Variants in BLZF1 observed in about 807,000 individuals in gnomAD.
BLZF1 encodes basic leucine zipper nuclear factor 1.
BLZF1 carries 39 observed loss-of-function variants against 43.8 expected under a neutral mutation model. The observed-to-expected ratio is 0.89, with a 90% CI of 0.69 to 1.16. The LOEUF is 1.16. Among genes scored for constraint, BLZF1 ranks in the 50% most tolerant of loss-of-function variants. The pLI, the probability that BLZF1 is intolerant of heterozygous loss-of-function variation, is 0.00. For synonymous variants in BLZF1, 136 were observed against 159.4 expected (o/e 0.85, Z 1.11); for missense variants, 449 against 469.8 (o/e 0.96, Z 0.41).
At chr1:169,374,325 T>C (rs569734100) in intron 2 of BLZF1, among the ~76,000 whole-genome samples, 1 of 152,238 alleles carries the variant, frequency 6.6e-6, no homozygotes, top group South Asian at 2.1e-4. Flanking sequence ...AAGTCAAGGC[T>C]GCAGTAAGCT....
At chr1:169,368,428 T>C (rs1357293338) in intron 1 of BLZF1, 86 bp downstream of exon 1, 1 of 117,526 alleles carries the variant, frequency 8.5e-6, no homozygotes, top group African/African-American at 3.0e-5. Context: ...TAGCTTTGGA[T>C]TTAGGGAAAG....
intron 7 of BLZF1, among the ~76,000 whole-genome samples, chr1:169,394,163 G>GT (rs1242851247): frequency 6.6e-6 from 1 of 152,126 alleles, no homozygotes; most frequent in Non-Finnish European, 1.5e-5. Flanking sequence ...TGTCTATATA[G>GT]TTTCCTTCTC....
chr1:169,386,186 A>G (rs941957339), intron 6 of BLZF1, among the ~76,000 whole-genome samples: 4 of 152,220 alleles, frequency 2.6e-5, no homozygotes, highest in African/African-American at 9.6e-5. Flanking sequence ...AACCCAGGAA[A>G]CAAAAAGTGG....
At chr1:169,371,781 A>G (rs1654128235) in intron 2 of BLZF1, among the ~76,000 whole-genome samples, 1 of 152,230 alleles carries the variant, frequency 6.6e-6, no homozygotes, top group South Asian at 2.1e-4. Flanking sequence ...AATTGAAAAT[A>G]AAGCTATTAA....
downstream of BLZF1, among the ~76,000 whole-genome samples, chr1:169,393,158 G>A (rs2102026627): frequency 6.6e-6 from 1 of 152,208 alleles, no homozygotes; most frequent in South Asian, 2.1e-4. Flanking sequence ...GCAGAGAACG[G>A]GGAAATTGCT....
At chr1:169,388,344 G>T (rs1055251711), downstream of BLZF1, 6 of 151,936 alleles carry the variant, frequency 3.9e-5, no homozygotes, top group Non-Finnish European at 5.9e-5. Context: ...TTAGTGCTTT[G>T]GTTTAGGTCT....
Position 169,369,484 on chromosome 1 carries a change from G to A in BLZF1, c.-39G>A. ...GCATACATTTCTAGGTTGTTCAGCA[G>A]AAGTCTTGGAGTGCATTTTCAGTGG... On this transcript the variant is annotated 5_prime_UTR_variant, in exon 2 of 7. Coordinates refer to ENST00000367808, the MANE Select transcript of BLZF1 (RefSeq NM_001320973.2). 6.3e-7 allele frequency: 1 copy of A among 1,588,574 alleles called. No homozygotes were observed. Among genetic ancestry groups the A allele is most frequent in the East Asian group, 2.2e-5 (1 of 44,574 alleles).
At chr1:169,393,183 A>G (rs1282211889), downstream of BLZF1, among the ~76,000 whole-genome samples, 2 of 152,074 alleles carry the variant, frequency 1.3e-5, no homozygotes, top group Non-Finnish European at 2.9e-5. Context: ...CTTGGGGAAA[A>G]CAACCTAAAC....
At chr1:169,371,187 T>G (rs1162728993) in intron 2 of BLZF1, among the ~76,000 whole-genome samples, 8 of 152,168 alleles carry the variant, frequency 5.3e-5, no homozygotes, top group African/African-American at 1.9e-4. Flanking sequence ...GATAAGCAAG[T>G]CAGAGACTGT....
chr1:169,393,794 G>T (rs1654879660), intron 7 of BLZF1, among the ~76,000 whole-genome samples: 1 of 151,990 alleles, frequency 6.6e-6, no homozygotes, highest in African/African-American at 2.4e-5. Flanking sequence ...TAGAGACGGG[G>T]TTTCGCCATG....
chr1:169,380,422 A>T, intron 4 of BLZF1, 59 bp from the exon 5 acceptor site: 1 of 1,492,356 alleles, frequency 6.7e-7, no homozygotes, highest in Non-Finnish European at 9.1e-7. Context: ...TAGTATATTC[A>T]ATTTTTTACA....
chr1:169,375,467 A>G (rs1654287812), intron 2 of BLZF1, among the ~76,000 whole-genome samples: 1 of 142,458 alleles, frequency 7.0e-6, no homozygotes, highest in Admixed American at 7.1e-5. Context: ...ACTGAAGACC[A>G]ATCAGTAGTT....
At position 169,376,871 on chromosome 1, in the gene BLZF1, TA is replaced by T. The variant is rs1654369304; in HGVS notation, c.362del (p.Lys121ArgfsTer6). 2.5e-6 allele frequency: 4 copies of T among 1,613,052 alleles called. No individual in the cohort carries two copies. The highest frequency in any genetic ancestry group is 3.4e-6 in the Non-Finnish European group (4 of 1,179,452). On this transcript the variant is annotated frameshift_variant, in exon 3 of 7. Transcript: ENST00000367808. LOFTEE classifies it high-confidence loss of function. ...AGTCAGAGGGAGTTATAGAACCTAA[TA>T]AGGAACTCTCAGAGGTAAAGAATGT... ...GQSEGVIEPN[K>X]ELSEVKNVLE...
At chr1:169,378,631 T>A in intron 4 of BLZF1, 102 bp downstream of exon 4, 2 of 1,113,684 alleles carry the variant, frequency 1.8e-6, no homozygotes, top group Non-Finnish European at 2.6e-6. Context: ...AATTTCTGAC[T>A]AAGGTCATCA....
At position 169,376,809 on chromosome 1, in the gene BLZF1, A is replaced by G; in HGVS notation, c.298A>G (p.Lys100Glu). Reference protein sequence around the residue: ...HDIPNKNTKVKSLGHHKGEFL... With the variant: ...HDIPNKNTKVESLGHHKGEFL... ...TATCCCCAACAAAAATACAAAGGTT[A>G]AGTCTCTGGGACATCATAAAGGAGA... The change falls in exon 3 of 7, where the codon AAG (lysine) becomes GAG (glutamate). Residue 100 changes from lysine to glutamate, a missense_variant. Lys to Glu is a moderately conservative substitution (Grantham distance 56, BLOSUM62 1). Coordinates refer to ENST00000367808, the MANE Select transcript of BLZF1 (RefSeq NM_001320973.2). 6.2e-7 allele frequency: 1 copy of G among 1,613,478 alleles called. No individual in the cohort carries two copies. The highest frequency in any genetic ancestry group is 1.7e-5 in the Admixed American group (1 of 59,932).
chr1:169,373,991 G>A (rs1057240062), intron 2 of BLZF1, among the ~76,000 whole-genome samples: 2 of 152,004 alleles, frequency 1.3e-5, no homozygotes, highest in Non-Finnish European at 2.9e-5. Context: ...ATGATTCTGT[G>A]TTACTTCTTA....
At position 169,387,856 on chromosome 1, in the gene BLZF1, A is replaced by G. The variant is rs1654718276; in HGVS notation, c.*674A>G. ...AGCCAAGTTAACAAGTACTTCAGCA[A>G]AACATGCTAGTTTTATGCAGGGGAT... is the stretch of plus-strand genomic sequence containing the variant. On this transcript the variant is annotated 3_prime_UTR_variant, in exon 7 of 7. Coordinates refer to ENST00000367808, the MANE Select transcript of BLZF1 (RefSeq NM_001320973.2). 6.6e-6 allele frequency: 1 copy of G among 152,238 alleles called. No homozygotes were observed. The highest frequency in any genetic ancestry group is 1.5e-5 in the Non-Finnish European group (1 of 68,032). The allele number at this position is 152,238 out of a possible 1,614,324, so 9.4% of individuals were successfully genotyped here.
At chr1:169,380,299 T>C (rs1654484374) in intron 4 of BLZF1, among the ~76,000 whole-genome samples, 182 bp from the exon 5 acceptor site, 1 of 152,046 alleles carries the variant, frequency 6.6e-6, no homozygotes, top group Non-Finnish European at 1.5e-5. Context: ...TGAATCCCTT[T>C]AATGAACTCT....
At chr1:169,370,137 T>C (rs1654062141) in intron 2 of BLZF1, among the ~76,000 whole-genome samples, 1 of 152,264 alleles carries the variant, frequency 6.6e-6, no homozygotes, top group Non-Finnish European at 1.5e-5. Context: ...TCCGCCTTCA[T>C]ATTCACATGG....
Sources: gnomAD v4.1 joint callset for allele counts (sites outside exome capture counted in the v4.1 genomes callset) on GRCh38, gnomAD v4.1.1 for gene constraint, MANE v1.5 for transcripts, NCBI Gene and HGNC (gene_info 2026-07-23, HGNC 2026-07-21) for gene names.